TMEM248: variants seen among roughly 807,000 people sequenced by gnomAD.
TMEM248 encodes the protein UPF0458 protein C7orf42.
A neutral mutation model predicts 30.3 loss-of-function variants in TMEM248; 9 were observed. The observed-to-expected ratio is 0.30, with a 90% CI of 0.18 to 0.52. The LOEUF (loss-of-function observed/expected upper bound fraction) is 0.52. TMEM248 is among the 20% of genes least tolerant of loss of function. The pLI, the probability that TMEM248 is intolerant of heterozygous loss-of-function variation, is 0.97. For synonymous variants in TMEM248, 184 were observed against 154.4 expected, an observed-to-expected ratio of 1.19 and a Z score of -1.42; for missense variants, 338 against 403.3, an observed-to-expected ratio of 0.84 and a Z score of 1.39.
In TMEM248 at chr7:66,957,050, A is replaced by G. The variant is rs951452324; in HGVS notation, c.*1528A>G. 1 of 152,590 alleles carries G rather than the reference A, an allele frequency of 6.6e-6. No homozygotes were observed. The highest frequency in any genetic ancestry group is 1.5e-5 in the Non-Finnish European group (1 of 68,040). 9.5% of individuals were successfully genotyped at this position (152,590 alleles called of 1,614,324 possible). ...AATCCTTATTCATTTAAGCAAAACC[A>G]TACATTATCTTTTCCAGTCCTTTCT... is the stretch of plus-strand genomic sequence containing the variant. On this transcript the variant is annotated 3_prime_UTR_variant, in exon 7 of 7. Coordinates refer to ENST00000341567, the MANE Select transcript of TMEM248 (RefSeq NM_017994.5).
intron 1 of TMEM248, among the ~76,000 whole-genome samples, chr7:66,940,274 G>A (rs1791913980): frequency 6.6e-6 from 1 of 152,126 alleles, no homozygotes; most frequent in African/African-American, 2.4e-5. Flanking sequence ...GTTTTAAGAA[G>A]AGCAAACGTG....
intron 1 of TMEM248, among the ~76,000 whole-genome samples, chr7:66,928,871 T>C (rs1484027101): frequency 2.0e-5 from 3 of 152,178 alleles, no homozygotes; most frequent in Admixed American, 2.0e-4. Context: ...CACTGTAGCC[T>C]CAAACTCCTG....
intron 1 of TMEM248, among the ~76,000 whole-genome samples, chr7:66,933,813 G>C (rs747014375): frequency 4.6e-5 from 7 of 152,178 alleles, no homozygotes; most frequent in Non-Finnish European, 7.3e-5. Context: ...GCCATGTTCA[G>C]TGTACCCTAA....
intron 1 of TMEM248, among the ~76,000 whole-genome samples, chr7:66,926,916 T>A (rs1290577212): frequency 6.6e-6 from 1 of 152,136 alleles, no homozygotes; most frequent in African/African-American, 2.4e-5. Flanking sequence ...GTTTGGACTT[T>A]TGTGTTGTTT....
intron 1 of TMEM248, among the ~76,000 whole-genome samples, chr7:66,935,653 A>G (rs565198747): frequency 6.6e-6 from 1 of 152,212 alleles, no homozygotes; most frequent in Admixed American, 6.5e-5. Context: ...AGGGATTCTC[A>G]TGCCTCAGCC....
intron 3 of TMEM248, among the ~76,000 whole-genome samples, chr7:66,946,642 C>CAA (rs1377605252): frequency 1.3e-5 from 2 of 151,412 alleles, no homozygotes; most frequent in African/African-American, 4.9e-5. Flanking sequence ...ATGGAAGAGA[C>CAA]AAAGATAAAC....
In TMEM248 at chr7:66,958,288, A is replaced by C. The variant is rs1440674526; in HGVS notation, c.*2766A>C. 1 of 152,622 alleles carries C rather than the reference A, an allele frequency of 6.6e-6. No homozygotes were observed. Among genetic ancestry groups the C allele is most frequent in the African/African-American group, 2.4e-5 (1 of 41,446 alleles). 9.5% of individuals were successfully genotyped at this position (152,622 alleles called of 1,614,324 possible). A position where few individuals can be genotyped will look rare whatever the true frequency, so the allele number is the denominator to read the frequency against. ...GTCCTTTCACTGTATGACTTGAATC[A>C]GTTTTGATTCTATTTGTAAGTGTTT... On this transcript the variant is annotated 3_prime_UTR_variant, in exon 7 of 7. Coordinates refer to ENST00000341567, the MANE Select transcript of TMEM248 (RefSeq NM_017994.5).
At chr7:66,936,427 A>C (rs1454526947) in intron 1 of TMEM248, among the ~76,000 whole-genome samples, 6 of 152,154 alleles carry the variant, frequency 3.9e-5, no homozygotes, top group Non-Finnish European at 5.9e-5. Context: ...ATGATGAATG[A>C]TCTTTTTAAT....
chr7:66,937,047 C>T (rs1057114674), intron 1 of TMEM248, among the ~76,000 whole-genome samples: 7 of 152,038 alleles, frequency 4.6e-5, no homozygotes, highest in African/African-American at 1.7e-4. Context: ...TATGTAGGTG[C>T]TTATAGCTAT....
At chr7:66,949,456 ACT>A (rs1347431607) in intron 4 of TMEM248, among the ~76,000 whole-genome samples, 2 of 152,152 alleles carry the variant, frequency 1.3e-5, no homozygotes, top group Non-Finnish European at 2.9e-5. Flanking sequence ...CAACAGCAAG[ACT>A]CTGTCTCAAA....
intron 3 of TMEM248, 151 bp from the exon 4 acceptor site, chr7:66,948,393 G>T (rs1792172035): frequency 2.2e-6 from 2 of 929,388 alleles, no homozygotes; most frequent in African/African-American, 3.3e-5. Flanking sequence ...GTCAGGGTCA[G>T]GACTGCTCTT....
In TMEM248 at chr7:66,951,546, AG is replaced by A. The variant is rs1198522935; in HGVS notation, c.780+413del. Among the ~76,000 whole-genome samples the A allele has an allele frequency of 2.6e-5, 4 of 151,888 alleles. No individual in the cohort carries two copies. The East Asian group carries it at 7.7e-4, about 29-fold the overall frequency. On this transcript the variant is annotated intron_variant, in intron 5 of 6. Coordinates refer to ENST00000341567, the MANE Select transcript of TMEM248 (RefSeq NM_017994.5). Reference sequence around the variant, plus strand: ...CTGAAAGATAGAAGGGAGTAGTAGGAGGAGATGAATCTTCGGCTAGAGAGTG... The same window carrying A: ...CTGAAAGATAGAAGGGAGTAGTAGGAGAGATGAATCTTCGGCTAGAGAGTG...
chr7:66,936,212 T>C (rs1249970252), intron 1 of TMEM248, among the ~76,000 whole-genome samples: 1 of 152,206 alleles, frequency 6.6e-6, no homozygotes, highest in Non-Finnish European at 1.5e-5. Flanking sequence ...ATGGCTTTCA[T>C]TGTGTGAGGT....
chr7:66,931,297 CAAAAAAAAAAAAA>C lies in TMEM248; in HGVS notation c.-19+9848_-19+9860del, dbSNP rs758131446. On this transcript the variant is annotated intron_variant, in intron 1 of 6. Transcript: ENST00000341567. Reference sequence around the variant, plus strand: ...TGGGTGACAGTGCGAGACAATATCTCAAAAAAAAAAAAAAAAAAAAAAAAGAACAGTTTAAAAC... The same window carrying C: ...TGGGTGACAGTGCGAGACAATATCTCAAAAAAAAAAAGAACAGTTTAAAAC... Among the ~76,000 whole-genome samples, 540 of 64,420 alleles carry C rather than the reference CAAAAAAAAAAAAA, an allele frequency of 8.4e-3. 2 individuals carry two copies. The highest frequency in any genetic ancestry group is 0.014 in the Non-Finnish European group (449 of 32,148). The allele number at this position is 64,420 out of a possible 152,430, so 42.3% of individuals were successfully genotyped here.
intron 1 of TMEM248, among the ~76,000 whole-genome samples, chr7:66,936,688 A>G (rs1584403078): frequency 6.6e-6 from 1 of 152,086 alleles, no homozygotes; most frequent in South Asian, 2.1e-4. Flanking sequence ...AGGTCTTGGT[A>G]GGTTGTGTGT....
intron 4 of TMEM248, among the ~76,000 whole-genome samples, chr7:66,950,238 T>C (rs1004605652): frequency 1.3e-5 from 2 of 151,324 alleles, no homozygotes; most frequent in Non-Finnish European, 1.5e-5. Context: ...AAAGATGATA[T>C]AGTTTGGCTG....
At chr7:66,921,921 A>G (rs1181349776) in intron 1 of TMEM248, 1 of 152,246 alleles carries the variant, frequency 6.6e-6, no homozygotes, top group Non-Finnish European at 1.5e-5. Flanking sequence ...CAAGCTTGGT[A>G]AATATCCGGA....
chr7:66,923,383 C>A (rs1010728728), intron 1 of TMEM248, among the ~76,000 whole-genome samples: 1 of 152,110 alleles, frequency 6.6e-6, no homozygotes, highest in African/African-American at 2.4e-5. Context: ...CTCAGGTGAT[C>A]TGCCCACCTT....
At chr7:66,951,466 T>C (rs1385624328) in intron 5 of TMEM248, 4 of 202,746 alleles carry the variant, frequency 2.0e-5, no homozygotes, top group African/African-American at 9.2e-5. Context: ...CAGACGTTCA[T>C]AGAAGACTAT....
Sources: gnomAD v4.1 joint callset for allele counts (sites outside exome capture counted in the v4.1 genomes callset) on GRCh38, gnomAD v4.1.1 for gene constraint, MANE v1.5 for transcripts, NCBI Gene and HGNC (gene_info 2026-07-23, HGNC 2026-07-21) for gene names.